ADAD1: variants seen among roughly 807,000 people sequenced by gnomAD.
ADAD1 encodes the protein adenosine deaminase domain containing 1.
Under a neutral mutation model 66.8 loss-of-function variants are expected in ADAD1, and 46 were observed. The ratio of observed to expected loss-of-function variants is 0.69; its 90% CI spans 0.54 to 0.88. The LOEUF (loss-of-function observed/expected upper bound fraction) is 0.88. Ranked by LOEUF, ADAD1 falls within the 40% of genes least tolerant of loss-of-function variation. The pLI is 0.00. For missense variants in ADAD1, 617 were observed against 681.8 expected, an observed-to-expected ratio of 0.91 and a Z score of 1.06; for synonymous variants, 248 against 229.4, an observed-to-expected ratio of 1.08 and a Z score of -0.73.
In ADAD1 at chr4:122,386,230, C is replaced by A. The variant is rs368762249; in HGVS notation, c.529+2264C>A. ...TTGTTTCCTGACTTTTTAGTAATAGCCATTCTGACTGGCATGAGATGGTAT... is the reference window on the plus strand; with the variant it reads ...TTGTTTCCTGACTTTTTAGTAATAGACATTCTGACTGGCATGAGATGGTAT... On this transcript the variant is annotated intron_variant, in intron 5 of 12. Coordinates refer to ENST00000296513, the MANE Select transcript of ADAD1 (RefSeq NM_139243.4). Among the ~76,000 whole-genome samples the A allele has an allele frequency of 2.3e-4, 35 of 152,264 alleles. No homozygotes were observed. In the East Asian group the frequency reaches 6.0e-3, roughly 26 times the overall value.
intron 4 of ADAD1, among the ~76,000 whole-genome samples, chr4:122,382,634 AC>A (rs1332810369): frequency 1.3e-5 from 2 of 152,004 alleles, no homozygotes; most frequent in African/African-American, 4.8e-5. Context: ...GCCTAGGCTG[AC>A]CTCGAACTCC....
At chr4:122,414,276 G>GGC (rs1553924552) in intron 10 of ADAD1, among the ~76,000 whole-genome samples, 2 of 56,836 alleles carry the variant, frequency 3.5e-5, no homozygotes, top group Admixed American at 4.6e-4. Flanking sequence ...CTTTTTTTTT[G>GGC]GGGGGGGGGG....
At chr4:122,385,902 A>G (rs899184998) in intron 5 of ADAD1, among the ~76,000 whole-genome samples, 1 of 152,166 alleles carries the variant, frequency 6.6e-6, no homozygotes, top group African/African-American at 2.4e-5. Context: ...ATAGTATTCC[A>G]TGGTGTATAT....
At chr4:122,429,064 A>T (rs1003731261) in intron 12 of ADAD1, among the ~76,000 whole-genome samples, 9 of 151,542 alleles carry the variant, frequency 5.9e-5, no homozygotes, top group Non-Finnish European at 1.3e-4. Context: ...TTCCTTCTTT[A>T]TATTTTGTCT....
chr4:122,383,874 A>G lies in ADAD1; in HGVS notation c.437A>G (p.Asn146Ser), dbSNP rs774751095. 1.2e-6 allele frequency: 2 copies of G among 1,614,054 alleles called. No homozygotes were observed. Among genetic ancestry groups the G allele is most frequent in the South Asian group, 2.2e-5 (2 of 91,068 alleles). The change falls in exon 5 of 13, where the codon AAT (asparagine) becomes AGT (serine). Residue 146 changes from asparagine (N) to serine (S), a missense_variant. By Grantham distance (46) the Asn-to-Ser change is conservative. Transcript: ENST00000296513. Reference sequence around the variant, plus strand: ...CAGTACAAGACTGGACTGGGACAAAATAAAAAGGAGTCTAGATCCAATGCA... The same window carrying G: ...CAGTACAAGACTGGACTGGGACAAAGTAAAAAGGAGTCTAGATCCAATGCA... ...GIQYKTGLGQ[N>S]KKESRSNAAK...
intron 8 of ADAD1, among the ~76,000 whole-genome samples, chr4:122,410,043 A>G (rs1417080825): frequency 6.6e-6 from 1 of 152,182 alleles, no homozygotes; most frequent in Non-Finnish European, 1.5e-5. Context: ...TTCAGCTTCA[A>G]CAGTTATTAG....
At chr4:122,380,526 C>G (rs374665625) in intron 3 of ADAD1, 19 of 412,538 alleles carry the variant, frequency 4.6e-5, no homozygotes, top group African/African-American at 3.2e-4. Context: ...ACTGGACTTA[C>G]ACTGGTCTGT....
At chr4:122,409,545 A>T (rs574011849) in intron 8 of ADAD1, among the ~76,000 whole-genome samples, 20 of 152,160 alleles carry the variant, frequency 1.3e-4, no homozygotes, top group Non-Finnish European at 2.4e-4. Flanking sequence ...AATTATAGTC[A>T]TTTAGTTATT....
intron 10 of ADAD1, among the ~76,000 whole-genome samples, chr4:122,414,358 AC>A (rs1167566679): frequency 6.7e-6 from 1 of 149,008 alleles, no homozygotes; most frequent in Non-Finnish European, 1.5e-5. Flanking sequence ...CTTATTATCT[AC>A]TGTTCATTGT....
rs1045708025 is a variant in ADAD1, at chr4:122,427,939, GTAA to G, written c.1618-1681_1618-1679del. 3.6e-4 allele frequency among the ~76,000 whole-genome samples: 55 copies of G among 152,282 alleles called. 1 individual carries two copies. Among genetic ancestry groups the G allele is most frequent in the Middle Eastern group, 3.4e-3 (1 of 294 alleles). On this transcript the variant is annotated intron_variant, in intron 12 of 12. Coordinates refer to ENST00000296513, the MANE Select transcript of ADAD1 (RefSeq NM_139243.4). Reference sequence around the variant, plus strand: ...ATAGTAATTAAGACAATGTATTGATGTAATAATAGAAATATAGATCAGTGGAAC... The same window carrying G: ...ATAGTAATTAAGACAATGTATTGATGTAATAGAAATATAGATCAGTGGAAC...
In ADAD1 at chr4:122,412,569, T is replaced by G; in HGVS notation, c.1020-11T>G. 1 of 1,608,756 alleles carries G rather than the reference T, an allele frequency of 6.2e-7. No homozygotes were observed. Among genetic ancestry groups the G allele is most frequent in the Non-Finnish European group, 8.5e-7 (1 of 1,177,650 alleles). On this transcript the variant is annotated splice_polypyrimidine_tract_variant and intron_variant, in intron 9 of 12. Coordinates refer to ENST00000296513, the MANE Select transcript of ADAD1 (RefSeq NM_139243.4). ...TTTTTTAAAGGAAGAAACTTTCTTT[T>G]CTTTCTCTAGACGTCTTAATCCACA...
chr4:122,408,952 C>T (rs2150576405), intron 8 of ADAD1, among the ~76,000 whole-genome samples: 1 of 152,030 alleles, frequency 6.6e-6, no homozygotes, highest in Admixed American at 6.5e-5. Flanking sequence ...ACTAAAGTTA[C>T]TGGAAAGTGT....
chr4:122,395,116 TC>T (rs745459300), intron 6 of ADAD1, among the ~76,000 whole-genome samples: 9 of 151,990 alleles, frequency 5.9e-5, no homozygotes, highest in Non-Finnish European at 1.2e-4. Context: ...AGTGGCACAA[TC>T]TCAGCTCACT....
At chr4:122,394,153 A>G (rs932006895) in intron 6 of ADAD1, among the ~76,000 whole-genome samples, 9 of 152,170 alleles carry the variant, frequency 5.9e-5, no homozygotes, top group Non-Finnish European at 4.4e-5. Flanking sequence ...TACGGTAATT[A>G]TCTTATAGGG....
At chr4:122,420,972 G>C (rs186696410) in intron 11 of ADAD1, among the ~76,000 whole-genome samples, 58 of 152,228 alleles carry the variant, frequency 3.8e-4, no homozygotes, top group Admixed American at 7.2e-4. Context: ...TAGAACTGCT[G>C]TTTAATTTGT....
intron 7 of ADAD1, among the ~76,000 whole-genome samples, chr4:122,403,163 CT>C (rs1052301081): frequency 5.9e-5 from 9 of 152,162 alleles, no homozygotes; most frequent in Admixed American, 2.0e-4. Flanking sequence ...TCTTCACATT[CT>C]TTTTTTTCCA....
chr4:122,418,306 C>CTT (rs10527795), intron 11 of ADAD1, among the ~76,000 whole-genome samples: 33 of 94,634 alleles, frequency 3.5e-4, no homozygotes, highest in East Asian at 7.5e-4. Context: ...ACGTTATTTT[C>CTT]TTTTTTTTTT....
intron 9 of ADAD1, among the ~76,000 whole-genome samples, chr4:122,412,041 A>G (rs1796489613): frequency 6.6e-6 from 1 of 152,178 alleles, no homozygotes; most frequent in South Asian, 2.1e-4. Context: ...TACAAACAAG[A>G]ACAAAGAAGA....
chr4:122,381,243 AAGTTT>A, intron 4 of ADAD1, 63 bp downstream of exon 4: 1 of 1,443,484 alleles, frequency 6.9e-7, no homozygotes. Context: ...TAATTGTGCT[AAGTTT>A]AGTTCTTTCT....
Sources: gnomAD v4.1 joint callset for allele counts (sites outside exome capture counted in the v4.1 genomes callset) on GRCh38, gnomAD v4.1.1 for gene constraint, MANE v1.5 for transcripts, NCBI Gene and HGNC (gene_info 2026-07-23, HGNC 2026-07-21) for gene names.